Variants in NLGN1 observed in about 807,000 individuals in gnomAD.
NLGN1 encodes neuroligin-1.
A neutral mutation model predicts 65.5 loss-of-function variants in NLGN1; 12 were observed. The ratio of observed to expected loss-of-function variants is 0.18; its 90% confidence interval spans 0.12 to 0.30. The LOEUF is 0.30. Ranked by LOEUF, NLGN1 falls within the 10% of genes least tolerant of loss-of-function variation. The pLI is 1.00. For missense variants in NLGN1, 750 were observed against 1,007.1 expected (o/e 0.74, Z 3.46); for synonymous variants, 350 against 359.5 (o/e 0.97, Z 0.30).
intron 4 of NLGN1, among the ~76,000 whole-genome samples, chr3:174,273,125 G>A (rs964727080): frequency 6.6e-5 from 10 of 151,402 alleles, no homozygotes; most frequent in Admixed American, 1.3e-4. Flanking sequence ...GTCTGATACC[G>A]TGGTTCTCTA....
chr3:174,061,688 A>T (rs1737454600), intron 4 of NLGN1, among the ~76,000 whole-genome samples: 1 of 152,178 alleles, frequency 6.6e-6, no homozygotes, highest in Non-Finnish European at 1.5e-5. Context: ...TTTAACATAA[A>T]AATAACATCA....
At chr3:173,860,997 A>G (rs1026264870) in intron 4 of NLGN1, among the ~76,000 whole-genome samples, 6 of 152,106 alleles carry the variant, frequency 3.9e-5, no homozygotes, top group African/African-American at 1.4e-4. Context: ...CAAACAAGAA[A>G]TCTTTTAGTG....
At chr3:173,807,647 G>A in intron 3 of NLGN1, 33 bp from the exon 4 acceptor site, 2 of 1,607,240 alleles carry the variant, frequency 1.2e-6, no homozygotes, top group South Asian at 2.2e-5. Context: ...TATTTTTGAG[G>A]ATAAGAACGA....
At chr3:173,708,113 A>T (rs1459967410) in intron 3 of NLGN1, among the ~76,000 whole-genome samples, 1 of 152,218 alleles carries the variant, frequency 6.6e-6, no homozygotes, top group East Asian at 1.9e-4. Context: ...TGAGGCCAAG[A>T]GTTCTAATCA....
chr3:173,633,493 G>T (rs530643238), intron 3 of NLGN1, among the ~76,000 whole-genome samples: 1 of 152,216 alleles, frequency 6.6e-6, no homozygotes, highest in East Asian at 1.9e-4. Context: ...TGATCTTTAA[G>T]AAATAGAAGA....
chr3:173,617,478 C>A (rs6772978), intron 3 of NLGN1, among the ~76,000 whole-genome samples: 28,033 of 152,200 alleles, frequency 0.18, 2,909 homozygotes, highest in African/African-American at 0.26. Context: ...TAATACTACA[C>A]CTGCAGTAAT....
intron 4 of NLGN1, among the ~76,000 whole-genome samples, chr3:174,055,470 T>C (rs571232378): frequency 6.6e-6 from 1 of 152,128 alleles, no homozygotes; most frequent in African/African-American, 2.4e-5. Flanking sequence ...ATGACTTGTC[T>C]TATGTGACTA....
intron 3 of NLGN1, among the ~76,000 whole-genome samples, chr3:173,626,207 AT>A (rs1412274299): frequency 6.6e-6 from 1 of 152,082 alleles, no homozygotes; most frequent in African/African-American, 2.4e-5. Flanking sequence ...ATTAATATAA[AT>A]TAAAATTTAA....
chr3:173,812,813 A>G (rs1367148173), intron 4 of NLGN1, among the ~76,000 whole-genome samples: 1 of 147,696 alleles, frequency 6.8e-6, no homozygotes, highest in Admixed American at 6.8e-5. Flanking sequence ...ATATATATAT[A>G]AAACTTTGGT....
intron 3 of NLGN1, among the ~76,000 whole-genome samples, chr3:173,664,546 C>T (rs1412967174): frequency 6.6e-6 from 1 of 152,042 alleles, no homozygotes; most frequent in Non-Finnish European, 1.5e-5. Flanking sequence ...GAGCACTGGA[C>T]AGTGTTAACA....
chr3:174,271,730 T>C (rs1749438821), intron 4 of NLGN1, among the ~76,000 whole-genome samples: 1 of 151,782 alleles, frequency 6.6e-6, no homozygotes, highest in South Asian at 2.1e-4. Flanking sequence ...CAAATGGACA[T>C]GTTTTTTGAT....
chr3:173,624,061 TAAC>T (rs1754440144), intron 3 of NLGN1, among the ~76,000 whole-genome samples: 1 of 152,244 alleles, frequency 6.6e-6, no homozygotes. Flanking sequence ...CCTCTGGCTC[TAAC>T]AACAGGTCAG....
intron 4 of NLGN1, among the ~76,000 whole-genome samples, chr3:174,098,455 G>A (rs951391165): frequency 2.6e-5 from 4 of 152,186 alleles, no homozygotes; most frequent in African/African-American, 9.6e-5. Context: ...AGGAGGGTCA[G>A]TGGGAAACAT....
At chr3:173,644,433 C>A in intron 3 of NLGN1, 1 of 155,282 alleles carries the variant, frequency 6.4e-6, no homozygotes. Context: ...TGGCTGCTAC[C>A]CACTGCTACT....
chr3:173,765,028 G>T (rs1029222362), intron 3 of NLGN1, among the ~76,000 whole-genome samples: 3 of 151,160 alleles, frequency 2.0e-5, no homozygotes, highest in African/African-American at 7.3e-5. Context: ...AAATGTGCCA[G>T]AAATTGCTAA....
intron 4 of NLGN1, among the ~76,000 whole-genome samples, chr3:174,040,414 A>T (rs1474275021): frequency 6.6e-6 from 1 of 152,208 alleles, no homozygotes; most frequent in Non-Finnish European, 1.5e-5. Context: ...AACTTCTGAA[A>T]GGAGCTATCT....
intron 4 of NLGN1, among the ~76,000 whole-genome samples, chr3:173,975,610 A>T (rs1030731520): frequency 6.6e-6 from 1 of 151,990 alleles, no homozygotes; most frequent in Admixed American, 6.6e-5. Flanking sequence ...CAGACAGGGT[A>T]TGTGACATTA....
rs1348784701 is a variant in NLGN1 at position 174,146,137 on chromosome 3, CT to C, written c.647-129176del. ...CCTTCCTTCCTTCCTTCCTTCCTTC[CT>C]TCCTTCCTTCCTTCCTCTCTCCCTC... is the stretch of plus-strand genomic sequence containing the variant. On this transcript the variant is annotated intron_variant, in intron 4 of 6. Transcript: ENST00000457714. 5.7e-3 allele frequency among the ~76,000 whole-genome samples: 834 copies of C among 146,654 alleles called. 10 individuals are homozygous for C. The highest frequency in any genetic ancestry group is 0.021 in the African/African-American group (784 of 37,474).
At chr3:173,723,988 T>G (rs1560239664) in intron 3 of NLGN1, among the ~76,000 whole-genome samples, 1 of 152,084 alleles carries the variant, frequency 6.6e-6, no homozygotes, top group Non-Finnish European at 1.5e-5. Flanking sequence ...GAGAAAGAAG[T>G]CAGAATAACT....
Sources: gnomAD v4.1 joint callset for allele counts (sites outside exome capture counted in the v4.1 genomes callset) on GRCh38, gnomAD v4.1.1 for gene constraint, MANE v1.5 for transcripts, NCBI Gene and HGNC (gene_info 2026-07-23, HGNC 2026-07-21) for gene names.